The following PSD3 variants were observed in gnomAD, a reference collection of about 807,000 sequenced individuals.
PSD3 encodes pleckstrin and Sec7 domain containing 3.
A neutral mutation model predicts 105.5 loss-of-function variants in PSD3; 49 were observed. The ratio of observed to expected loss-of-function variants is 0.46; its 90% CI spans 0.37 to 0.59. The LOEUF (loss-of-function observed/expected upper bound fraction) is 0.59, where lower values mean the gene tolerates loss of function less well. PSD3 is among the 20% of genes least tolerant of loss of function. The pLI, the probability that PSD3 is intolerant of heterozygous loss-of-function variation, is 0.00. For synonymous variants in PSD3, 557 were observed against 457.8 expected (o/e 1.22, Z -2.77); for missense variants, 1,561 against 1,263.8 (o/e 1.24, Z -3.57).
At chr8:18,673,468 C>A (rs1462583659) in intron 9 of PSD3, among the ~76,000 whole-genome samples, 1 of 152,160 alleles carries the variant, frequency 6.6e-6, no homozygotes, top group Admixed American at 6.5e-5. Context: ...CAACTTCACA[C>A]CCTCCAGCAG....
intron 14 of PSD3, among the ~76,000 whole-genome samples, chr8:18,569,374 T>C (rs1802003999): frequency 6.8e-6 from 1 of 147,642 alleles, no homozygotes; most frequent in Admixed American, 6.8e-5. Flanking sequence ...ACCTGTTGTT[T>C]CCTGACTTTT....
intron 3 of PSD3, among the ~76,000 whole-genome samples, chr8:18,871,055 C>T (rs190669048): frequency 1.3e-5 from 2 of 152,262 alleles, no homozygotes. Flanking sequence ...GCCGTGATCA[C>T]ACCACCATAC....
At chr8:18,670,082 GGT>G (rs1261270671) in intron 9 of PSD3, among the ~76,000 whole-genome samples, 3 of 152,140 alleles carry the variant, frequency 2.0e-5, no homozygotes, top group Non-Finnish European at 4.4e-5. Flanking sequence ...ATTATTATAA[GGT>G]GATTCAAATA....
At chr8:18,605,478 G>A (rs1481864105) in intron 11 of PSD3, among the ~76,000 whole-genome samples, 1 of 152,056 alleles carries the variant, frequency 6.6e-6, no homozygotes, top group Non-Finnish European at 1.5e-5. Context: ...GATTTTACAG[G>A]TTCATAGGTA....
intron 1 of PSD3, among the ~76,000 whole-genome samples, chr8:19,021,733 T>C (rs567715185): frequency 6.6e-6 from 1 of 152,334 alleles, no homozygotes; most frequent in South Asian, 2.1e-4. Context: ...GTAAAAACTT[T>C]GCAGGCCCAG....
chr8:18,584,524 C>T (rs1373467246), intron 12 of PSD3, among the ~76,000 whole-genome samples: 1 of 152,200 alleles, frequency 6.6e-6, no homozygotes, highest in African/African-American at 2.4e-5. Context: ...AAAATGGGAA[C>T]AGTATCCTTC....
At chr8:18,681,641 T>G (rs947843651) in intron 9 of PSD3, among the ~76,000 whole-genome samples, 1 of 152,004 alleles carries the variant, frequency 6.6e-6, no homozygotes, top group African/African-American at 2.4e-5. Context: ...TATAATTAAG[T>G]TCAGTAATTT....
intron 9 of PSD3, among the ~76,000 whole-genome samples, chr8:18,745,002 CATTTTGG>C (rs1804891629): frequency 6.6e-6 from 1 of 152,140 alleles, no homozygotes; most frequent in Non-Finnish European, 1.5e-5. Flanking sequence ...TGAAGTTAGG[CATTTTGG>C]GAAAGAGAAG....
chr8:18,611,219 T>C (rs774128226), intron 11 of PSD3, among the ~76,000 whole-genome samples: 10 of 149,168 alleles, frequency 6.7e-5, no homozygotes, highest in Non-Finnish European at 1.3e-4. Context: ...GAGAACACTT[T>C]AAATGAGGGT....
At chr8:18,564,832 G>A (rs1192746282) in intron 14 of PSD3, among the ~76,000 whole-genome samples, 1 of 152,060 alleles carries the variant, frequency 6.6e-6, no homozygotes, top group Non-Finnish European at 1.5e-5. Context: ...GACAAAAGGA[G>A]GGGTGGGGGT....
chr8:18,918,444 T>C (rs1820767014), intron 2 of PSD3, among the ~76,000 whole-genome samples: 1 of 152,208 alleles, frequency 6.6e-6, no homozygotes, highest in Non-Finnish European at 1.5e-5. Flanking sequence ...ATCATGTTAT[T>C]ACTTGCCTGT....
intron 2 of PSD3, among the ~76,000 whole-genome samples, chr8:18,913,747 G>T (rs781529102): frequency 3.3e-5 from 5 of 152,010 alleles, no homozygotes; most frequent in Non-Finnish European, 5.9e-5. Flanking sequence ...CAGGATCCAG[G>T]ACTGCCCGTA....
intron 1 of PSD3, among the ~76,000 whole-genome samples, chr8:19,054,006 C>T (rs1828620432): frequency 6.6e-6 from 1 of 152,242 alleles, no homozygotes; most frequent in Non-Finnish European, 1.5e-5. Context: ...GAGCTTACTT[C>T]TTCCTGTCCT....
intron 15 of PSD3, among the ~76,000 whole-genome samples, chr8:18,547,714 C>T (rs1372945981): frequency 6.6e-6 from 1 of 152,132 alleles, no homozygotes; most frequent in African/African-American, 2.4e-5. Context: ...TTCTTTCCTG[C>T]TTTCAAGATT....
In PSD3 at chr8:19,009,537, C is replaced by T. The variant is rs992976299; in HGVS notation, c.21+4026G>A. Among the ~76,000 whole-genome samples the T allele has an allele frequency of 2.0e-5, 3 of 149,612 alleles. No homozygotes were observed. The South Asian group carries it at 6.2e-4, about 31-fold the overall frequency. The stretch of plus-strand genomic sequence containing the variant: ...CAAGTAAGAACTCAATAAACATTAG[C>T]TGTGATTGTAAAAACGCCCCATGCC... On this transcript the variant is annotated intron_variant, in intron 1 of 15. Coordinates refer to ENST00000327040, the MANE Select transcript of PSD3 (RefSeq NM_015310.4).
At chr8:18,824,402 C>A (rs1010820834) in intron 4 of PSD3, among the ~76,000 whole-genome samples, 1 of 152,140 alleles carries the variant, frequency 6.6e-6, no homozygotes, top group Non-Finnish European at 1.5e-5. Context: ...GTTCAGGTCT[C>A]AGCTCTAAAT....
intron 1 of PSD3, among the ~76,000 whole-genome samples, chr8:19,071,703 G>A (rs1178587876): frequency 1.5e-5 from 2 of 133,046 alleles, no homozygotes; most frequent in African/African-American, 5.7e-5. Context: ...TCACGTGTCT[G>A]CCTCCGACTT....
At chr8:19,047,587 A>G (rs1828368376) in intron 1 of PSD3, among the ~76,000 whole-genome samples, 1 of 152,062 alleles carries the variant, frequency 6.6e-6, no homozygotes, top group Non-Finnish European at 1.5e-5. Flanking sequence ...GGGAAACACA[A>G]TCTTTGCTTC....
chr8:18,576,547 T>G (rs1213277044), intron 12 of PSD3, among the ~76,000 whole-genome samples: 4 of 152,196 alleles, frequency 2.6e-5, no homozygotes, highest in African/African-American at 9.6e-5. Flanking sequence ...ATTTTTTAAA[T>G]GAGATTTTTC....
Sources: allele counts gnomAD v4.1 joint callset (sites outside exome capture counted in the v4.1 genomes callset), GRCh38; gene constraint gnomAD v4.1.1; transcripts MANE v1.5; gene names NCBI Gene and HGNC (gene_info 2026-07-23, HGNC 2026-07-21).